The following LMF1 variants were observed in gnomAD, a reference collection of about 807,000 sequenced individuals.
The protein encoded by LMF1 is transmembrane protein 112.
In LMF1, 68 loss-of-function variants were observed where a neutral mutation model predicts 60.6. The observed-to-expected ratio is 1.12, with a 90% confidence interval of 0.92 to 1.37. The LOEUF is 1.37. Among genes scored for constraint, LMF1 ranks in the 40% most tolerant of loss-of-function variants. LMF1 has a pLI of 0.00. For synonymous variants in LMF1, 418 were observed against 324.7 expected (o/e 1.29, Z -3.09); for missense variants, 948 against 767.2 (o/e 1.24, Z -2.78).
intron 5 of LMF1, chr16:884,064 G>GT (rs1288324263): frequency 6.6e-6 from 1 of 152,162 alleles, no homozygotes; most frequent in Non-Finnish European, 1.5e-5. Flanking sequence ...GCGCATACGT[G>GT]TTTGAGAGTC....
At chr16:877,320 C>G (rs2070021096) in intron 6 of LMF1, among the ~76,000 whole-genome samples, 1 of 152,176 alleles carries the variant, frequency 6.6e-6, no homozygotes, top group Non-Finnish European at 1.5e-5. Flanking sequence ...AAAACTGCCT[C>G]AAGTCAAGAA....
intron 2 of LMF1, among the ~76,000 whole-genome samples, chr16:949,937 G>C: frequency 7.8e-6 from 1 of 128,668 alleles, no homozygotes; most frequent in Non-Finnish European, 1.6e-5. Context: ...GAGCCAATGA[G>C]AGTCAGAGCC....
chr16:929,559 G>A (rs35712783), intron 3 of LMF1, among the ~76,000 whole-genome samples: 4 of 152,230 alleles, frequency 2.6e-5, no homozygotes, highest in African/African-American at 9.6e-5. Flanking sequence ...AGGGCGGCTG[G>A]AAGCTCGAGA....
intron 1 of LMF1, among the ~76,000 whole-genome samples, chr16:978,216 TACAC>T (rs2073230421): frequency 1.4e-5 from 2 of 142,584 alleles, no homozygotes; most frequent in South Asian, 4.5e-4. Flanking sequence ...ATCATACACA[TACAC>T]ACCACACACC....
intron 2 of LMF1, among the ~76,000 whole-genome samples, chr16:942,906 A>G (rs1342063506): frequency 1.3e-5 from 2 of 152,320 alleles, no homozygotes; most frequent in East Asian, 3.9e-4. Flanking sequence ...GCTCGTTTCA[A>G]TCTTTTTTCT....
At chr16:943,762 C>G (rs1411846430) in intron 2 of LMF1, among the ~76,000 whole-genome samples, 2 of 148,248 alleles carry the variant, frequency 1.3e-5, no homozygotes, top group Non-Finnish European at 3.0e-5. Context: ...AGGAATACTT[C>G]CCTTGAGTCC....
At chr16:941,141 T>A (rs2072090963) in intron 2 of LMF1, among the ~76,000 whole-genome samples, 1 of 152,222 alleles carries the variant, frequency 6.6e-6, no homozygotes, top group South Asian at 2.1e-4. Context: ...TCCTTCTTTA[T>A]CTTTATCCTT....
intron 2 of LMF1, chr16:952,782 C>G (rs964775494): frequency 5.7e-6 from 1 of 174,610 alleles, no homozygotes; most frequent in African/African-American, 2.4e-5. Context: ...CAGACACCCA[C>G]CCCAAACCAG....
intron 6 of LMF1, among the ~76,000 whole-genome samples, chr16:876,661 C>T (rs933655390): frequency 5.9e-5 from 9 of 151,642 alleles, no homozygotes; most frequent in South Asian, 2.1e-4. Context: ...GAGCAAAGGA[C>T]GCAAGTGGCT....
chr16:933,859 G>A lies in LMF1; in HGVS notation c.514+385C>T, dbSNP rs988345031. On this transcript the variant is annotated intron_variant, in intron 3 of 10. Transcript: ENST00000262301. ...TCCACCAAACAAAGCACAAGCCAAA[G>A]TGCCCACCAGCGTGAGTGCCGTGAG... The A allele has an allele frequency of 1.2e-5, 10 of 854,134 alleles. 1 individual carries two copies. Among genetic ancestry groups the A allele is most frequent in the Non-Finnish European group, 1.6e-5 (10 of 626,762 alleles). 52.9% of individuals were successfully genotyped at this position (854,134 alleles called of 1,614,324 possible). A position where few individuals can be genotyped will look rare whatever the true frequency, so the allele number is the denominator to read the frequency against.
chr16:930,591 G>C (rs2071751896), intron 3 of LMF1, among the ~76,000 whole-genome samples: 1 of 152,186 alleles, frequency 6.6e-6, no homozygotes, highest in African/African-American at 2.4e-5. Flanking sequence ...GGATGGTGTG[G>C]TCATCCTGAG....
At chr16:868,731 T>C (rs1398383264) in intron 10 of LMF1, among the ~76,000 whole-genome samples, 1 of 54,922 alleles carries the variant, frequency 1.8e-5, no homozygotes, top group Non-Finnish European at 3.7e-5. Context: ...AGGTGGGCTA[T>C]GAGGCAGGGG....
intron 1 of LMF1, chr16:976,445 G>A: frequency 2.2e-6 from 1 of 454,086 alleles, no homozygotes; most frequent in Middle Eastern, 6.9e-4. Context: ...CGGAAGCGTT[G>A]ATTCCAAGTC....
chr16:934,225 C>T lies in LMF1; in HGVS notation c.514+19G>A, dbSNP rs2151787308. 1.3e-6 allele frequency: 2 copies of T among 1,599,360 alleles called. No homozygotes were observed. Among genetic ancestry groups the T allele is most frequent in the East Asian group, 4.5e-5 (2 of 44,882 alleles). ...ACGCTCAACTCTCGCAGAGCTTTCT[C>T]TAAATGCATCTCACTTACCGAAAGA... On this transcript the variant is annotated intron_variant, in intron 3 of 10. Transcript: ENST00000262301.
In LMF1 at chr16:870,792, C is replaced by T. The variant is rs751552083; in HGVS notation, c.1169G>A (p.Arg390Lys). ...GTTGAAGTGGGTGTTCATGACCTGCCTGGAGCTCAGCAAGTTGAGGACCAC... is the reference window on the plus strand; with the variant it reads ...GTTGAAGTGGGTGTTCATGACCTGCTTGGAGCTCAGCAAGTTGAGGACCAC... ...VPVVLNLLSS[R>K]QVMNTHFNSL... is the part of the protein sequence containing the mutation. Residue 390 changes from arginine (R) to lysine (K), a missense_variant, in exon 8 of 11, where the codon AGG (arginine) becomes AAG (lysine). Transcript: ENST00000262301. 6.2e-7 allele frequency: 1 copy of T among 1,612,878 alleles called. No homozygotes were observed. Among genetic ancestry groups the T allele is most frequent in the Admixed American group, 1.7e-5 (1 of 60,026 alleles).
chr16:868,861 GGGTGCA>G (rs2069688091), intron 10 of LMF1, 77 bp downstream of exon 10: 8 of 881,892 alleles, frequency 9.1e-6, no homozygotes, highest in Admixed American at 1.7e-5. Flanking sequence ...GAGCAGGTGG[GGGTGCA>G]GGTACAGGTG....
intron 4 of LMF1, chr16:905,233 A>G: frequency 6.6e-6 from 1 of 151,716 alleles, no homozygotes; most frequent in South Asian, 1.5e-4. Context: ...TGCACCGCCC[A>G]CAGGATGCCT....
chr16:907,306 C>G (rs1379696780), intron 4 of LMF1, among the ~76,000 whole-genome samples: 2 of 151,818 alleles, frequency 1.3e-5, no homozygotes, highest in Admixed American at 1.3e-4. Flanking sequence ...GAGGCTGAGG[C>G]AGGAGAATGG....
At chr16:943,142 C>T (rs1009898860) in intron 2 of LMF1, among the ~76,000 whole-genome samples, 43 of 152,124 alleles carry the variant, frequency 2.8e-4, no homozygotes, top group African/African-American at 4.1e-4. Flanking sequence ...GAGGCCGAGG[C>T]GGGTGGATCA....
Sources: gnomAD v4.1 joint callset for allele counts (sites outside exome capture counted in the v4.1 genomes callset) on GRCh38, gnomAD v4.1.1 for gene constraint, MANE v1.5 for transcripts, NCBI Gene and HGNC (gene_info 2026-07-23, HGNC 2026-07-21) for gene names.